ZNF184: variants seen among roughly 807,000 people sequenced by gnomAD.
The protein encoded by ZNF184 is zinc finger protein 184 (Kruppel-like).
A neutral mutation model predicts 54.4 loss-of-function variants in ZNF184; 16 were observed. The ratio of observed to expected loss-of-function variants is 0.29; its 90% CI spans 0.20 to 0.45. The LOEUF is 0.45. ZNF184 is among the 20% of genes least tolerant of loss of function. The pLI is 1.00. For synonymous variants in ZNF184, 254 were observed against 295.3 expected, an observed-to-expected ratio of 0.86 and a Z score of 1.43; for missense variants, 681 against 888.2, an observed-to-expected ratio of 0.77 and a Z score of 2.97.
the ZNF184 span, among the ~76,000 whole-genome samples, chr6:27,438,417 A>T: frequency 6.6e-6 from 1 of 152,216 alleles, no homozygotes; most frequent in Non-Finnish European, 1.5e-5. Flanking sequence ...GATAAATTCC[A>T]CTGTAGGAGT....
chr6:27,454,714 T>C (rs2235252), intron 5 of ZNF184, among the ~76,000 whole-genome samples: 91,670 of 151,888 alleles, frequency 0.6, 27,759 homozygotes, highest in Middle Eastern at 0.75. Flanking sequence ...ACCAACAGAA[T>C]TACTAGAATA....
intron 3 of ZNF184, among the ~76,000 whole-genome samples, chr6:27,460,199 A>C (rs990214630): frequency 2.0e-5 from 3 of 152,194 alleles, no homozygotes; most frequent in Non-Finnish European, 4.4e-5. Flanking sequence ...ATGAACAGAA[A>C]AAAATCTAAA....
intron 5 of ZNF184, among the ~76,000 whole-genome samples, chr6:27,454,296 G>C (rs1011508826): frequency 9.4e-4 from 143 of 152,206 alleles, no homozygotes; most frequent in African/African-American, 3.3e-3. Context: ...CCGCAAGCAT[G>C]AGCAGTGCGG....
chr6:27,453,387 C>G lies in ZNF184; in HGVS notation c.299-127G>C. Reference sequence around the variant, plus strand: ...TTCTAATGGTTTTCAAATATATAGCCATATTATTTGGGGAGAAAGTTGGAA... The same window carrying G: ...TTCTAATGGTTTTCAAATATATAGCGATATTATTTGGGGAGAAAGTTGGAA... On this transcript the variant is annotated intron_variant, in intron 5 of 5. Transcript: ENST00000683788. The surrounding 1 kb of genome is among the most constrained non-coding windows in gnomAD (Gnocchi z 4.7). The G allele has an allele frequency of 2.0e-6, 2 of 976,322 alleles. No individual in the cohort carries two copies. Among genetic ancestry groups the G allele is most frequent in the Non-Finnish European group, 2.8e-6 (2 of 710,664 alleles). 60.5% of individuals were successfully genotyped at this position (976,322 alleles called of 1,614,324 possible). A position where few individuals can be genotyped will look rare whatever the true frequency, so the allele number is the denominator to read the frequency against.
chr6:27,417,525 T>G, the ZNF184 span, among the ~76,000 whole-genome samples: 1 of 152,178 alleles, frequency 6.6e-6, no homozygotes, highest in Non-Finnish European at 1.5e-5. Context: ...CACTTCTTTT[T>G]CTGACCTTGG....
At chr6:27,434,229 T>C in the ZNF184 span, among the ~76,000 whole-genome samples, 1 of 152,294 alleles carries the variant, frequency 6.6e-6, no homozygotes, top group South Asian at 2.1e-4. Context: ...TAATCCTGTT[T>C]AACTTTTTTG....
chr6:27,408,791 C>T, the ZNF184 span, among the ~76,000 whole-genome samples: 1 of 152,114 alleles, frequency 6.6e-6, no homozygotes, highest in Non-Finnish European at 1.5e-5. Flanking sequence ...CTATTTCACT[C>T]TTGTTTCTAG....
the ZNF184 span, chr6:27,404,036 T>C: frequency 6.6e-6 from 1 of 152,202 alleles, no homozygotes. Context: ...AATAGCTATT[T>C]TATTATAACT....
the ZNF184 span, among the ~76,000 whole-genome samples, chr6:27,423,623 A>G: frequency 3.9e-5 from 5 of 129,568 alleles, no homozygotes; most frequent in African/African-American, 1.1e-4. Context: ...AAAAGCATAA[A>G]GGGATGAAAA....
At chr6:27,437,485 C>T in the ZNF184 span, among the ~76,000 whole-genome samples, 244 of 152,288 alleles carry the variant, frequency 1.6e-3, no homozygotes, top group African/African-American at 5.6e-3. Flanking sequence ...GCAGATTCTT[C>T]TACAGATCCT....
At chr6:27,425,585 C>CA in the ZNF184 span, among the ~76,000 whole-genome samples, 1 of 152,160 alleles carries the variant, frequency 6.6e-6, no homozygotes, top group Admixed American at 6.5e-5. Flanking sequence ...CACAGGAGTT[C>CA]ACCATACTGT....
the ZNF184 span, among the ~76,000 whole-genome samples, chr6:27,423,967 AGTT>A: frequency 3.9e-5 from 6 of 152,298 alleles, no homozygotes; most frequent in African/African-American, 1.4e-4. Flanking sequence ...TTATTTTATT[AGTT>A]GTTGTGTCTG....
chr6:27,457,392 C>T lies in ZNF184; in HGVS notation c.93G>A (p.Lys31=), dbSNP rs369819747. The part of the protein sequence containing the change: ...SASFQEAVTF[K]DVIVDFTQEE... ...CCTGGGTAAAGTCCACTATCACATC[C>T]TTGAAAGTCACCGCTTCCTGAAATA... Residue 31 remains lysine (K), a synonymous_variant, in exon 4 of 6, where the codon AAG becomes AAA. Transcript: ENST00000683788. 6.2e-7 allele frequency: 1 copy of T among 1,613,702 alleles called. No individual in the cohort carries two copies. The highest frequency in any genetic ancestry group is 8.5e-7 in the Non-Finnish European group (1 of 1,179,896).
At chr6:27,442,812 GAGAAAGAAAGAAAGAAAGAAAGAAAGAA>G in the ZNF184 span, among the ~76,000 whole-genome samples, 432 of 52,642 alleles carry the variant, frequency 8.2e-3, 20 homozygotes, top group African/African-American at 0.022. Context: ...GAGAAAGAAA[GAGAAAGAAAGAAAGAAAGAAAGAAAGAA>G]AGAAAGAAAG....
chr6:27,433,789 G>T, the ZNF184 span, among the ~76,000 whole-genome samples: 3 of 152,128 alleles, frequency 2.0e-5, no homozygotes, highest in African/African-American at 7.2e-5. Context: ...AAATAATGCT[G>T]TTATGAATAC....
the ZNF184 span, among the ~76,000 whole-genome samples, chr6:27,430,281 G>T: frequency 6.6e-6 from 1 of 152,132 alleles, no homozygotes; most frequent in African/African-American, 2.4e-5. Context: ...AGGATGGTAT[G>T]TTCTGAACTG....
chr6:27,455,665 T>A (rs1438352205), intron 5 of ZNF184, among the ~76,000 whole-genome samples: 1 of 152,078 alleles, frequency 6.6e-6, no homozygotes, highest in Non-Finnish European at 1.5e-5. Flanking sequence ...TTGGGAGATG[T>A]TACATTCTAT....
chr6:27,422,855 C>T, the ZNF184 span, among the ~76,000 whole-genome samples: 1 of 152,172 alleles, frequency 6.6e-6, no homozygotes, highest in South Asian at 2.1e-4. Context: ...CAGGAACTTT[C>T]GTATACAGCA....
chr6:27,448,435 C>T (rs2113706111), downstream of ZNF184, among the ~76,000 whole-genome samples: 1 of 152,316 alleles, frequency 6.6e-6, no homozygotes, highest in Non-Finnish European at 1.5e-5. Flanking sequence ...CCCTACATTA[C>T]AGCAAGTGAC....
Sources: allele counts gnomAD v4.1 joint callset (sites outside exome capture counted in the v4.1 genomes callset), GRCh38; gene constraint gnomAD v4.1.1; non-coding constraint Gnocchi (gnomAD v3.1); transcripts MANE v1.5; gene names NCBI Gene and HGNC (gene_info 2026-07-23, HGNC 2026-07-21).